The following MANSC1 variants were observed in gnomAD, a reference collection of about 807,000 sequenced individuals.
The protein encoded by MANSC1 is MANSC domain-containing protein 1.
MANSC1 carries 13 observed loss-of-function variants against 14.1 expected under a neutral mutation model. The observed-to-expected ratio is 0.92, with a 90% CI of 0.60 to 1.46. The LOEUF (loss-of-function observed/expected upper bound fraction) is 1.46, where lower values mean the gene tolerates loss of function less well. Ranked by LOEUF, MANSC1 falls within the 40% of genes most tolerant of loss-of-function variation. The pLI, the probability that MANSC1 is intolerant of heterozygous loss-of-function variation, is 0.00. For synonymous variants in MANSC1, 227 were observed against 200.7 expected (o/e 1.13, Z -1.11); for missense variants, 486 against 511.4 (o/e 0.95, Z 0.48).
chr12:12,337,798 T>C (rs970671920), intron 3 of MANSC1, among the ~76,000 whole-genome samples: 3 of 151,552 alleles, frequency 2.0e-5, no homozygotes, highest in African/African-American at 7.3e-5. Flanking sequence ...ATTATATTAA[T>C]TTTTTTGCTA....
chr12:12,338,000 C>T (rs191163426), intron 3 of MANSC1, among the ~76,000 whole-genome samples: 2 of 152,136 alleles, frequency 1.3e-5, no homozygotes, highest in Admixed American at 1.3e-4. Context: ...GGTGGTATGG[C>T]CATAAAAAGT....
Position 12,330,958 on chromosome 12 carries a change from T to C in MANSC1, c.365A>G (p.Asp122Gly), listed in dbSNP as rs1395104456. The change falls in exon 4 of 4, where the codon GAT becomes GGT. Residue 122 changes from aspartate to glycine, a missense_variant and splice_region_variant. Coordinates refer to ENST00000535902, the MANE Select transcript of MANSC1 (RefSeq NM_018050.4). ...CAAATTTCTGGTCAAAGATGGAAAA[T>C]CTGAAAATGTATGGAAAATAAAAGG... ...KGLMSYRIIT[D>G]FPSLTRNLPS... 1.9e-6 allele frequency: 3 copies of C among 1,558,948 alleles called. No homozygotes were observed. Among genetic ancestry groups the C allele is most frequent in the African/African-American group, 1.4e-5 (1 of 72,554 alleles).
chr12:12,330,848 C>A lies in MANSC1; in HGVS notation c.475G>T (p.Asp159Tyr), dbSNP rs1318334031. The A allele has an allele frequency of 6.2e-7, 1 of 1,613,872 alleles. No individual in the cohort carries two copies. ...AVTPLAHHHT[D>Y]YSKPTDISWR... is the part of the protein sequence containing the mutation. Reference sequence around the variant, plus strand: ...GAGATATCGGTGGGCTTTGAATAATCTGTGTGATGATGGGCTAGGGGAGTG... The same window carrying A: ...GAGATATCGGTGGGCTTTGAATAATATGTGTGATGATGGGCTAGGGGAGTG... Residue 159 changes from aspartate (D) to tyrosine (Y), a missense_variant, in exon 4 of 4, where the codon GAT becomes TAT. By Grantham distance (160) the Asp-to-Tyr change is radical (BLOSUM62 -3). Coordinates refer to ENST00000535902, the MANE Select transcript of MANSC1 (RefSeq NM_018050.4).
chr12:12,348,716 C>T (rs199969401), intron 1 of MANSC1, among the ~76,000 whole-genome samples: 193 of 57,606 alleles, frequency 3.4e-3, no homozygotes, highest in African/African-American at 9.5e-3. Context: ...AAAGGTAAAA[C>T]CAAAAAAAAA....
intron 1 of MANSC1, among the ~76,000 whole-genome samples, chr12:12,349,441 C>T (rs1005831199): frequency 1.3e-5 from 2 of 152,142 alleles, no homozygotes; most frequent in African/African-American, 4.8e-5. Context: ...AGTTTTATAT[C>T]ATTAAAGAGG....
chr12:12,339,698 T>A (rs1409977999), intron 2 of MANSC1, among the ~76,000 whole-genome samples: 2 of 152,162 alleles, frequency 1.3e-5, no homozygotes, highest in African/African-American at 4.8e-5. Context: ...ATCTTTTAAT[T>A]TTTATCTGTA....
intron 3 of MANSC1, among the ~76,000 whole-genome samples, chr12:12,331,635 G>T (rs561867359): frequency 6.6e-6 from 1 of 152,104 alleles, no homozygotes; most frequent in South Asian, 2.1e-4. Flanking sequence ...GGCAAGAAAG[G>T]TATGTGGAAG....
At position 12,329,154 on chromosome 12, in the gene MANSC1, G is replaced by A. The variant is rs894236983; in HGVS notation, c.*873C>T. The A allele has an allele frequency of 3.3e-5, 5 of 152,146 alleles. No homozygotes were observed. The allele number at this position is 152,146 out of a possible 1,614,324, so 9.4% of individuals were successfully genotyped here. A position where few individuals can be genotyped will look rare whatever the true frequency, so the allele number is the denominator to read the frequency against. ...CTCTTTGCTCACTGATGGGAAAAAG[G>A]GGGGGTTGTCATTTTAACGTGGAAC... On this transcript the variant is annotated 3_prime_UTR_variant, in exon 4 of 4. Transcript: ENST00000535902.
At chr12:12,349,007 T>A (rs1863043811) in intron 1 of MANSC1, among the ~76,000 whole-genome samples, 1 of 152,220 alleles carries the variant, frequency 6.6e-6, no homozygotes, top group Non-Finnish European at 1.5e-5. Flanking sequence ...TGCCATAATT[T>A]TGACGTGGTA....
chr12:12,330,114 GAGGACGA>G lies in MANSC1; in HGVS notation c.1202_1208del (p.Leu401ProfsTer21), dbSNP rs1862761844. The G allele has an allele frequency of 5.6e-5, 90 of 1,614,138 alleles. No individual in the cohort carries two copies. Among genetic ancestry groups the G allele is most frequent in the Non-Finnish European group, 7.5e-5 (89 of 1,180,016 alleles). Reference sequence around the variant, plus strand: ...GTGATTCCGAGAGGATTCTACCCAGGAGGACGAGGCCTATCACCAGGAACAGGACACC... The same window carrying G: ...GTGATTCCGAGAGGATTCTACCCAGGGGCCTATCACCAGGAACAGGACACC... On this transcript the variant is annotated frameshift_variant, in exon 4 of 4. Transcript: ENST00000535902. LOFTEE classifies it high-confidence loss of function.
In MANSC1 at chr12:12,329,974, T is replaced by C; in HGVS notation, c.*53A>G. On this transcript the variant is annotated 3_prime_UTR_variant, in exon 4 of 4. Transcript: ENST00000535902. ...AGACTAGCAAGTCAGCAGAAACTCATTGCATTTGGGCTTCTGGTTACTAAA... is the reference window on the plus strand; with the variant it reads ...AGACTAGCAAGTCAGCAGAAACTCACTGCATTTGGGCTTCTGGTTACTAAA... 2 of 1,464,148 alleles carry C rather than the reference T, an allele frequency of 1.4e-6. No individual in the cohort carries two copies. The highest frequency in any genetic ancestry group is 9.4e-7 in the Non-Finnish European group (1 of 1,067,458). 90.7% of individuals were successfully genotyped at this position (1,464,148 alleles called of 1,614,324 possible).
chr12:12,338,338 T>C, intron 3 of MANSC1, 82 bp downstream of exon 3: 3 of 1,272,896 alleles, frequency 2.4e-6, no homozygotes, highest in Middle Eastern at 2.0e-4. Flanking sequence ...TAGTTTTATT[T>C]AGACTCTTGT....
chr12:12,343,633 A>G (rs753261002), intron 1 of MANSC1, among the ~76,000 whole-genome samples: 1 of 152,234 alleles, frequency 6.6e-6, no homozygotes, highest in Non-Finnish European at 1.5e-5. Context: ...TACCTCACCA[A>G]TGCTTAAAAG....
At chr12:12,337,029 G>A (rs935000559) in intron 3 of MANSC1, among the ~76,000 whole-genome samples, 1 of 152,120 alleles carries the variant, frequency 6.6e-6, no homozygotes, top group African/African-American at 2.4e-5. Flanking sequence ...CCAGCACTTT[G>A]GGAGGCTAAG....
At chr12:12,344,934 T>C (rs1276870278) in intron 1 of MANSC1, among the ~76,000 whole-genome samples, 2 of 72,502 alleles carry the variant, frequency 2.8e-5, no homozygotes, top group African/African-American at 1.3e-4. Context: ...TATATATATA[T>C]ATATATATAT....
intron 3 of MANSC1, among the ~76,000 whole-genome samples, chr12:12,334,073 AC>A (rs35954228): frequency 0.097 from 14,691 of 151,528 alleles, 736 homozygotes; most frequent in Non-Finnish European, 0.11. Context: ...ACATACTGAG[AC>A]CCCCCCATTG....
At position 12,344,938 on chromosome 12, in the gene MANSC1, T is replaced by TATATATATAC. The variant is rs1456051260; in HGVS notation, c.-100-1525_-100-1524insGTATATATAT. Among the ~76,000 whole-genome samples, 48 of 81,242 alleles carry TATATATATAC rather than the reference T, an allele frequency of 5.9e-4. 2 individuals are homozygous for TATATATATAC. The highest frequency in any genetic ancestry group is 1.6e-3 in the Admixed American group (13 of 8,228). 53.3% of individuals were successfully genotyped at this position (81,242 alleles called of 152,430 possible). On this transcript the variant is annotated intron_variant, in intron 1 of 3. Transcript: ENST00000535902. ...TCCCATATATATATATATATATATA[T>TATATATATAC]ATATATATATATATATATATATATA...
intron 2 of MANSC1, among the ~76,000 whole-genome samples, chr12:12,340,340 C>T (rs1201195416): frequency 6.6e-6 from 1 of 152,210 alleles, no homozygotes; most frequent in African/African-American, 2.4e-5. Flanking sequence ...GAGAGATCAA[C>T]TCCAACTCCC....
intron 1 of MANSC1, among the ~76,000 whole-genome samples, chr12:12,346,171 G>A (rs1592038124): frequency 7.4e-6 from 1 of 134,708 alleles, no homozygotes; most frequent in South Asian, 2.3e-4. Flanking sequence ...TACTCGGGAG[G>A]CTGAGGCAGG....
Sources: gnomAD v4.1 joint callset for allele counts (sites outside exome capture counted in the v4.1 genomes callset) on GRCh38, gnomAD v4.1.1 for gene constraint, MANE v1.5 for transcripts, NCBI Gene and HGNC (gene_info 2026-07-23, HGNC 2026-07-21) for gene names.